Variants in WIPF3 observed in about 807,000 individuals in gnomAD.
WIPF3 encodes the protein WAS/WASL interacting protein family member 3.
WIPF3 carries 33 observed loss-of-function variants against 38.9 expected under a neutral mutation model. The observed-to-expected ratio is 0.85, with a 90% confidence interval of 0.64 to 1.14. The LOEUF is 1.14. Ranked by LOEUF, WIPF3 falls within the 50% of genes most tolerant of loss-of-function variation. The pLI is 0.00. For synonymous variants in WIPF3, 324 were observed against 269.3 expected (o/e 1.20, Z -1.99); for missense variants, 711 against 652.5 (o/e 1.09, Z -0.98).
chr7:29,902,211 G>T (rs1218966402), intron 7 of WIPF3, among the ~76,000 whole-genome samples: 8 of 150,420 alleles, frequency 5.3e-5, no homozygotes, highest in Non-Finnish European at 1.0e-4. Context: ...CATTTCCAAG[G>T]CTACCCTCTC....
intron 2 of WIPF3, among the ~76,000 whole-genome samples, chr7:29,858,182 CAT>C (rs1473852728): frequency 1.3e-5 from 2 of 152,216 alleles, no homozygotes; most frequent in Non-Finnish European, 2.9e-5. Flanking sequence ...GTAGCTGACA[CAT>C]CAAAGGCAGT....
At chr7:29,827,816 G>A (rs186946449) in intron 1 of WIPF3, among the ~76,000 whole-genome samples, 1 of 152,230 alleles carries the variant, frequency 6.6e-6, no homozygotes, top group East Asian at 1.9e-4. Flanking sequence ...TTGTTTTGAG[G>A]TGGTGTCTCA....
Position 29,905,320 on chromosome 7 carries a change from G to T in WIPF3, c.1428+958G>T, listed in dbSNP as rs142162861. 546 of 152,314 alleles carry T rather than the reference G, an allele frequency of 3.6e-3. 3 individuals carry two copies. The highest frequency in any genetic ancestry group is 3.2e-3 in the Non-Finnish European group (221 of 68,032). 9.4% of individuals were successfully genotyped at this position (152,314 alleles called of 1,614,324 possible). On this transcript the variant is annotated intron_variant, in intron 8 of 8. Coordinates refer to ENST00000242140, the MANE Select transcript of WIPF3 (RefSeq NM_001080529.3). ...AGAAGTATATATACACAGGAAAAAA[G>T]ACAGGAAGAATATACACAATATTGT...
In WIPF3 at chr7:29,884,466, C is replaced by A. The variant is rs972965976; in HGVS notation, c.972C>A (p.Pro324=). The change falls in exon 5 of 9, where the codon CCC becomes CCA. Residue 324 remains proline, a synonymous_variant. Transcript: ENST00000242140. ...TTAATAGCAGCAGTGAAACTCCACC[C>A]CCGCTACCCCCTAAATCCCCCAGCT... ...PGVNSSSETP[P]PLPPKSPSFQ... is the part of the protein sequence containing the mutation. 2 of 1,559,660 alleles carry A rather than the reference C, an allele frequency of 1.3e-6. No individual in the cohort carries two copies. Among genetic ancestry groups the A allele is most frequent in the Non-Finnish European group, 1.7e-6 (2 of 1,152,878 alleles).
chr7:29,866,617 C>G (rs1300501378), intron 2 of WIPF3, among the ~76,000 whole-genome samples: 1 of 152,284 alleles, frequency 6.6e-6, no homozygotes, highest in African/African-American at 2.4e-5. Flanking sequence ...AGGCTCTTCT[C>G]AGAGCCTGTC....
intron 8 of WIPF3, among the ~76,000 whole-genome samples, chr7:29,907,930 A>T (rs957288231): frequency 6.6e-6 from 1 of 152,234 alleles, no homozygotes; most frequent in Non-Finnish European, 1.5e-5. Context: ...AGTCAACTAA[A>T]CAGAAAAGAA....
At chr7:29,850,485 AGGGCCTCTCCCG>A in intron 2 of WIPF3, among the ~76,000 whole-genome samples, 1 of 152,234 alleles carries the variant, frequency 6.6e-6, no homozygotes, top group Admixed American at 6.5e-5. Context: ...GCCAAACTCC[AGGGCCTCTCCCG>A]AGCTGGAGGA....
chr7:29,808,033 CAG>C (rs972989692), intron 1 of WIPF3, among the ~76,000 whole-genome samples: 1 of 152,116 alleles, frequency 6.6e-6, no homozygotes, highest in African/African-American at 2.4e-5. Context: ...AGATAAACTC[CAG>C]GTCAATACCT....
chr7:29,827,846 G>A (rs566820559), intron 1 of WIPF3, among the ~76,000 whole-genome samples: 2 of 152,266 alleles, frequency 1.3e-5, no homozygotes, highest in East Asian at 3.9e-4. Context: ...CCAGGCTGGA[G>A]TGTAGTGGTA....
chr7:29,835,813 T>C (rs531248001), intron 2 of WIPF3, among the ~76,000 whole-genome samples: 27 of 152,060 alleles, frequency 1.8e-4, no homozygotes, highest in Non-Finnish European at 3.2e-4. Context: ...TTAGAGATGG[T>C]GTGAGCCAAG....
At chr7:29,814,156 C>T (rs373758327) in intron 1 of WIPF3, among the ~76,000 whole-genome samples, 14 of 152,084 alleles carry the variant, frequency 9.2e-5, no homozygotes, top group African/African-American at 3.4e-4. Flanking sequence ...CCTAGGCAAG[C>T]GATCTGTCTG....
chr7:29,884,361 T>TGCCCCCCCCCCCCCCCCCCC lies in WIPF3; in HGVS notation c.867_868insGCCCCCCCCCCCCCCCCCCC (p.Pro290AlafsTer91). ...GCCCTGCGCAAGATGCGCAGGAGCC[T>TGCCCCCCCCCCCCCCCCCCC]CCCGCCCCGCCGCCCCCGCTCCCCC... On this transcript the variant is annotated frameshift_variant, in exon 5 of 9. Coordinates refer to ENST00000242140, the MANE Select transcript of WIPF3 (RefSeq NM_001080529.3). LOFTEE classifies it high-confidence loss of function. 7.6e-7 allele frequency: 1 copy of TGCCCCCCCCCCCCCCCCCCC among 1,317,920 alleles called. No individual in the cohort carries two copies. The highest frequency in any genetic ancestry group is 9.8e-7 in the Non-Finnish European group (1 of 1,017,956). The allele number at this position is 1,317,920 out of a possible 1,614,324, so 81.6% of individuals were successfully genotyped here. A position where few individuals can be genotyped will look rare whatever the true frequency, so the allele number is the denominator to read the frequency against.
At chr7:29,895,519 T>C (rs1053996397) in intron 7 of WIPF3, among the ~76,000 whole-genome samples, 2 of 152,218 alleles carry the variant, frequency 1.3e-5, no homozygotes, top group African/African-American at 4.8e-5. Context: ...TGCTACAACA[T>C]GGATAAACCT....
intron 2 of WIPF3, among the ~76,000 whole-genome samples, chr7:29,858,484 G>A (rs1302818403): frequency 2.0e-5 from 3 of 151,898 alleles, no homozygotes; most frequent in Admixed American, 1.3e-4. Flanking sequence ...TTTAGGAGGT[G>A]CAAGACAAAA....
chr7:29,822,520 G>A (rs1328514451), intron 1 of WIPF3, among the ~76,000 whole-genome samples: 1 of 152,056 alleles, frequency 6.6e-6, no homozygotes, highest in Admixed American at 6.6e-5. Flanking sequence ...GTGGGTCTAG[G>A]GTCTAAGATC....
chr7:29,864,341 G>C (rs867146010), intron 2 of WIPF3, among the ~76,000 whole-genome samples: 31 of 152,062 alleles, frequency 2.0e-4, no homozygotes, highest in African/African-American at 7.2e-4. Context: ...TTTTGAACCA[G>C]ATTTTATTAT....
chr7:29,851,636 A>G (rs1001946131), intron 2 of WIPF3, among the ~76,000 whole-genome samples: 8 of 152,186 alleles, frequency 5.3e-5, no homozygotes, highest in African/African-American at 1.9e-4. Flanking sequence ...GGCTCGGTGG[A>G]CTTTATGACG....
In WIPF3 at chr7:29,854,739, GT is replaced by G. The variant is rs540175120; in HGVS notation, c.90+19928del. ...CTCAGCTTCTTGTGGGCTGAATTAT[GT>G]TTCTCTGGCCAAATTCCAATGTCGA... On this transcript the variant is annotated intron_variant, in intron 2 of 8. Transcript: ENST00000242140. 1.8e-3 allele frequency among the ~76,000 whole-genome samples: 278 copies of G among 152,308 alleles called. 3 individuals carry two copies. Among genetic ancestry groups the G allele is most frequent in the Middle Eastern group, 0.014 (4 of 294 alleles).
At chr7:29,904,595 C>A in intron 8 of WIPF3, 5 of 472,714 alleles carry the variant, frequency 1.1e-5, no homozygotes, top group Admixed American at 3.8e-5. Context: ...CATATAGAAG[C>A]AAGTTTAGCA....
Sources: gnomAD v4.1 joint callset for allele counts (sites outside exome capture counted in the v4.1 genomes callset) on GRCh38, gnomAD v4.1.1 for gene constraint, MANE v1.5 for transcripts, NCBI Gene and HGNC (gene_info 2026-07-23, HGNC 2026-07-21) for gene names.